TDRD10: variants seen among roughly 807,000 people sequenced by gnomAD.
TDRD10 encodes the protein tudor domain containing 10.
In TDRD10, 40 loss-of-function variants were observed where a neutral mutation model predicts 48.0. The observed-to-expected ratio is 0.83, with a 90% CI of 0.65 to 1.09. TDRD10 has a LOEUF of 1.09. Among genes scored for constraint, TDRD10 ranks in the 50% least tolerant of loss-of-function variants. The probability of loss-of-function intolerance (pLI) is 0.00; values close to 1 mark genes in which losing one functional copy is unlikely to be tolerated. For synonymous variants in TDRD10, 162 were observed against 170.4 expected (o/e 0.95, Z 0.38); for missense variants, 378 against 434.7 (o/e 0.87, Z 1.16).
At position 154,502,268 on chromosome 1, in the gene TDRD10, G is replaced by A. The variant is rs1692815002; in HGVS notation, c.-789G>A. On this transcript the variant is annotated 5_prime_UTR_variant, in exon 1 of 13. Coordinates refer to ENST00000368482, the MANE Select transcript of TDRD10 (RefSeq NM_182499.4). ...GGACACCGTGGCTCTCGGAGGCGGCGGGCGCCGGGGGCTTCCCCCTGCTCT... is the reference window on the plus strand; with the variant it reads ...GGACACCGTGGCTCTCGGAGGCGGCAGGCGCCGGGGGCTTCCCCCTGCTCT... 4.5e-6 allele frequency: 1 copy of A among 220,244 alleles called. No homozygotes were observed. The highest frequency in any genetic ancestry group is 8.8e-6 in the Non-Finnish European group (1 of 114,192). 13.6% of individuals were successfully genotyped at this position (220,244 alleles called of 1,614,324 possible).
intron 4 of TDRD10, among the ~76,000 whole-genome samples, chr1:154,508,758 GT>G (rs1693289342): frequency 6.6e-6 from 1 of 152,172 alleles, no homozygotes; most frequent in Admixed American, 6.5e-5. Context: ...GTCATTTTGG[GT>G]TGAGGTAGCT....
At chr1:154,527,813 C>T (rs1165837203) in intron 6 of TDRD10, among the ~76,000 whole-genome samples, 1 of 152,218 alleles carries the variant, frequency 6.6e-6, no homozygotes, top group East Asian at 1.9e-4. Flanking sequence ...ATATGGCCTA[C>T]TGCCCATTTT....
chr1:154,526,769 TG>T (rs1367393527), intron 6 of TDRD10, among the ~76,000 whole-genome samples: 2 of 150,814 alleles, frequency 1.3e-5, no homozygotes, highest in African/African-American at 4.9e-5. Flanking sequence ...TTGTATTTTT[TG>T]GTATGGATGG....
Position 154,507,291 on chromosome 1 carries a change from A to C in TDRD10, c.53A>C (p.Asn18Thr), listed in dbSNP as rs1228033872. 6.2e-7 allele frequency: 1 copy of C among 1,614,014 alleles called. No homozygotes were observed. Among genetic ancestry groups the C allele is most frequent in the African/African-American group, 1.3e-5 (1 of 74,926 alleles). Reference sequence around the variant, plus strand: ...CTCTCTGATAAACTGTTTGGGAAGAATGGAGTGTTGGAGGAGCAGAAATCT... The same window carrying C: ...CTCTCTGATAAACTGTTTGGGAAGACTGGAGTGTTGGAGGAGCAGAAATCT... ...PQLSDKLFGK[N>T]GVLEEQKSPG... Residue 18 changes from asparagine to threonine, a missense_variant, in exon 3 of 13, where the codon AAT becomes ACT. Around this residue, in one of 2 missense-constraint regions of TDRD10, gnomAD observed 310 missense variants for 323.6 expected, o/e 0.96. Transcript: ENST00000368482.
intron 1 of TDRD10, among the ~76,000 whole-genome samples, 186 bp from the exon 2 acceptor site, chr1:154,506,691 T>C (rs1264430843): frequency 1.3e-5 from 2 of 152,212 alleles, no homozygotes; most frequent in Admixed American, 6.5e-5. Context: ...TGTCAGTTGA[T>C]GGGCAACCTT....
At chr1:154,521,503 C>G (rs1177229319) in intron 6 of TDRD10, 24 bp downstream of exon 6, 1 of 1,608,744 alleles carries the variant, frequency 6.2e-7, no homozygotes, top group African/African-American at 1.3e-5. Flanking sequence ...CCTTTCTGCT[C>G]TGGGGCGTTC....
intron 4 of TDRD10, among the ~76,000 whole-genome samples, chr1:154,519,379 A>C (rs1305545762): frequency 6.6e-6 from 1 of 152,182 alleles, no homozygotes; most frequent in Non-Finnish European, 1.5e-5. Flanking sequence ...TATAAATATC[A>C]TTTTTTTCCA....
In TDRD10 at chr1:154,544,443, G is replaced by C; in HGVS notation, c.723G>C (p.Glu241Asp). 6.2e-7 allele frequency: 1 copy of C among 1,611,882 alleles called. No homozygotes were observed. The highest frequency in any genetic ancestry group is 8.5e-7 in the Non-Finnish European group (1 of 1,179,378). The change falls in exon 10 of 13, where the codon GAG (glutamate) becomes GAC (aspartate). Residue 241 changes from glutamate (E) to aspartate (D), a missense_variant. By Grantham distance (45) the Glu-to-Asp change is conservative (BLOSUM62 2). Around this residue, in one of 2 missense-constraint regions of TDRD10, gnomAD observed 310 missense variants for 323.6 expected, o/e 0.96. Transcript: ENST00000368482. ...AQAEEQQPYL[E>D]GSTVMRGTRC... The stretch of plus-strand genomic sequence containing the variant: ...CGGAGGAGCAGCAGCCCTACCTGGA[G>C]GGCTCCACCGTTATGCGCGGGACTC...
intron 7 of TDRD10, 127 bp downstream of exon 7, chr1:154,542,193 C>G: frequency 1.1e-6 from 1 of 892,670 alleles, no homozygotes; most frequent in Non-Finnish European, 1.7e-6. Flanking sequence ...AGAAATATCC[C>G]TTTTCCCTTT....
chr1:154,527,045 G>C (rs1219006038), intron 6 of TDRD10, among the ~76,000 whole-genome samples: 1 of 152,084 alleles, frequency 6.6e-6, no homozygotes, highest in East Asian at 1.9e-4. Context: ...CAAGTAGCTG[G>C]GATTACAGGC....
intron 6 of TDRD10, among the ~76,000 whole-genome samples, chr1:154,540,942 G>A (rs73023348): frequency 0.19 from 28,892 of 152,144 alleles, 2,975 homozygotes; most frequent in South Asian, 0.23. Context: ...CAGAACAGGG[G>A]AGTGACCATT....
At chr1:154,522,357 T>C (rs1447733628) in intron 6 of TDRD10, among the ~76,000 whole-genome samples, 2 of 152,048 alleles carry the variant, frequency 1.3e-5, no homozygotes, top group Non-Finnish European at 2.9e-5. Flanking sequence ...AGAGATGTAG[T>C]TTTAAAAGAT....
chr1:154,530,703 G>C (rs1694569513), intron 6 of TDRD10, among the ~76,000 whole-genome samples: 1 of 151,960 alleles, frequency 6.6e-6, no homozygotes, highest in Non-Finnish European at 1.5e-5. Context: ...TCACTTGCCT[G>C]TTTGAATCTA....
chr1:154,507,832 T>A (rs1216626090), intron 3 of TDRD10, among the ~76,000 whole-genome samples: 2 of 152,194 alleles, frequency 1.3e-5, no homozygotes, highest in African/African-American at 4.8e-5. Context: ...CCAAATGTGC[T>A]CAGCTTTTTT....
intron 7 of TDRD10, 75 bp from the exon 8 acceptor site, chr1:154,542,656 C>T: frequency 8.3e-7 from 1 of 1,202,896 alleles, no homozygotes; most frequent in Non-Finnish European, 1.2e-6. Context: ...AGGGCCAAGG[C>T]CTCTTGTGGG....
At chr1:154,530,335 G>GT (rs1003866109) in intron 6 of TDRD10, among the ~76,000 whole-genome samples, 234 of 144,766 alleles carry the variant, frequency 1.6e-3, no homozygotes, top group African/African-American at 4.9e-3. Flanking sequence ...TAGATAAACA[G>GT]TTTTTTTTTT....
intron 6 of TDRD10, among the ~76,000 whole-genome samples, chr1:154,532,378 C>T (rs61698846): frequency 0.19 from 29,587 of 152,066 alleles, 3,108 homozygotes; most frequent in South Asian, 0.23. Flanking sequence ...GAGTGCGGCC[C>T]GCAAAGCCCA....
intron 4 of TDRD10, among the ~76,000 whole-genome samples, chr1:154,519,847 AGAG>A (rs1693965024): frequency 6.6e-6 from 1 of 152,052 alleles, no homozygotes; most frequent in Non-Finnish European, 1.5e-5. Flanking sequence ...GCAGACTAGG[AGAG>A]GAGAAGGGTG....
chr1:154,542,786 G>A lies in TDRD10; in HGVS notation c.468G>A (p.Leu156=), dbSNP rs1449135149. 1 of 1,614,000 alleles carries A rather than the reference G, an allele frequency of 6.2e-7. No individual in the cohort carries two copies. Among genetic ancestry groups the A allele is most frequent in the Non-Finnish European group, 8.5e-7 (1 of 1,179,926 alleles). The change falls in exon 8 of 13, where the codon CTG becomes CTA. Residue 156 remains leucine (L), a synonymous_variant. Coordinates refer to ENST00000368482, the MANE Select transcript of TDRD10 (RefSeq NM_182499.4). ...TTGACCTGTGTGAGACAGAGAAACT[G>A]AGGGCAGCCTTCTTTGCAGTCCCGT... is the stretch of plus-strand genomic sequence containing the variant. ...APVDLCETEK[L]RAAFFAVPLE...
Sources: allele counts gnomAD v4.1 joint callset (sites outside exome capture counted in the v4.1 genomes callset), GRCh38; gene constraint gnomAD v4.1.1; regional missense constraint gnomAD v4.1.1; transcripts MANE v1.5; gene names NCBI Gene and HGNC (gene_info 2026-07-23, HGNC 2026-07-21).